BTBD10: variants seen among roughly 807,000 people sequenced by gnomAD.
The protein encoded by BTBD10 is BTB/POZ domain-containing protein 10.
A neutral mutation model predicts 53.2 loss-of-function variants in BTBD10; 21 were observed. The observed-to-expected ratio is 0.39, with a 90% CI of 0.28 to 0.57. The LOEUF (loss-of-function observed/expected upper bound fraction) is 0.57, where lower values mean the gene tolerates loss of function less well. Ranked by LOEUF, BTBD10 falls within the 20% of genes least tolerant of loss-of-function variation. BTBD10 has a pLI of 0.53. For missense variants in BTBD10, 360 were observed against 594.7 expected (o/e 0.61, Z 4.10); for synonymous variants, 149 against 192.7 (o/e 0.77, Z 1.88).
chr11:13,392,939 A>C (rs562571591), intron 8 of BTBD10, among the ~76,000 whole-genome samples: 2 of 152,346 alleles, frequency 1.3e-5, no homozygotes, highest in South Asian at 4.1e-4. Flanking sequence ...GGCCACATCC[A>C]ATATGGTCTG....
chr11:13,421,628 T>C lies in BTBD10; in HGVS notation c.298+14A>G, dbSNP rs1486778487. 4.4e-6 allele frequency: 7 copies of C among 1,603,984 alleles called. No homozygotes were observed. The highest frequency in any genetic ancestry group is 1.3e-5 in the African/African-American group (1 of 74,846). ...TTTTAAGAACTGTTAGGAAGGTTAG[T>C]TGATTTTACATACCAACATGGTGCT... On this transcript the variant is annotated intron_variant, in intron 3 of 8. Transcript: ENST00000278174.
intron 1 of BTBD10, among the ~76,000 whole-genome samples, chr11:13,446,938 G>C (rs1233791109): frequency 6.6e-6 from 1 of 151,762 alleles, no homozygotes; most frequent in Non-Finnish European, 1.5e-5. Flanking sequence ...GAGAAGCAAA[G>C]GAGAAAGAAA....
chr11:13,441,369 T>C (rs1950645995), intron 2 of BTBD10, among the ~76,000 whole-genome samples: 1 of 152,150 alleles, frequency 6.6e-6, no homozygotes, highest in Non-Finnish European at 1.5e-5. Flanking sequence ...ATACGATCAC[T>C]ATATGATACA....
At chr11:13,435,261 T>C (rs560434842) in intron 2 of BTBD10, among the ~76,000 whole-genome samples, 1 of 152,320 alleles carries the variant, frequency 6.6e-6, no homozygotes, top group South Asian at 2.1e-4. Flanking sequence ...ATCTACTGAA[T>C]AGTCATTCAT....
intron 2 of BTBD10, among the ~76,000 whole-genome samples, chr11:13,432,428 G>C (rs1950466088): frequency 6.6e-6 from 1 of 152,092 alleles, no homozygotes; most frequent in South Asian, 2.1e-4. Context: ...TCAGTTTCCT[G>C]GTTCTCATAA....
chr11:13,411,854 G>A (rs139873381), intron 6 of BTBD10, among the ~76,000 whole-genome samples: 2 of 146,752 alleles, frequency 1.4e-5, no homozygotes, highest in African/African-American at 5.0e-5. Flanking sequence ...TTTTTGAGAT[G>A]GAGTTTCACT....
chr11:13,413,744 C>T lies in BTBD10; in HGVS notation c.688-94G>A, dbSNP rs557986202. The T allele has an allele frequency of 2.6e-5, 31 of 1,192,898 alleles. No individual in the cohort carries two copies. In the East Asian group the frequency reaches 8.0e-4, roughly 31 times the overall value. 73.9% of individuals were successfully genotyped at this position (1,192,898 alleles called of 1,614,324 possible). A position where few individuals can be genotyped will look rare whatever the true frequency, so the allele number is the denominator to read the frequency against. On this transcript the variant is annotated intron_variant, in intron 5 of 8. Coordinates refer to ENST00000278174, the MANE Select transcript of BTBD10 (RefSeq NM_032320.7). ...GAAGGGCTGGTAACATTTTCAGAAA[C>T]AGTAGAGAACTCTGACATCTCTGAA...
chr11:13,452,888 T>C (rs1950890538), intron 1 of BTBD10, among the ~76,000 whole-genome samples: 1 of 152,226 alleles, frequency 6.6e-6, no homozygotes, highest in Non-Finnish European at 1.5e-5. Flanking sequence ...CTGTCTTTAG[T>C]AGGCAACCTA....
intron 2 of BTBD10, among the ~76,000 whole-genome samples, chr11:13,444,286 A>G (rs186975718): frequency 2.6e-5 from 4 of 151,824 alleles, no homozygotes; most frequent in Admixed American, 2.0e-4. Context: ...TTTATATTCA[A>G]GTAAGTTAAA....
intron 1 of BTBD10, among the ~76,000 whole-genome samples, chr11:13,446,539 G>A (rs1950752191): frequency 6.6e-6 from 1 of 152,022 alleles, no homozygotes; most frequent in Non-Finnish European, 1.5e-5. Context: ...TAAGTAGGTA[G>A]ATCCATGAGT....
chr11:13,402,862 T>C (rs938788713), intron 8 of BTBD10, among the ~76,000 whole-genome samples: 1 of 152,180 alleles, frequency 6.6e-6, no homozygotes, highest in Non-Finnish European at 1.5e-5. Context: ...AATGTACATA[T>C]ATTCATGTCC....
chr11:13,408,414 G>C (rs7103068), intron 6 of BTBD10, among the ~76,000 whole-genome samples: 92,025 of 151,940 alleles, frequency 0.61, 28,550 homozygotes, highest in Middle Eastern at 0.76. Flanking sequence ...ATGTGAAAAA[G>C]AATGTTATAG....
chr11:13,441,811 T>C (rs2134024629), intron 2 of BTBD10, among the ~76,000 whole-genome samples: 1 of 152,234 alleles, frequency 6.6e-6, no homozygotes, highest in South Asian at 2.1e-4. Context: ...TAGATTTAAA[T>C]CCCCAACTGT....
At chr11:13,413,117 A>C (rs1442461631) in intron 6 of BTBD10, among the ~76,000 whole-genome samples, 2 of 152,196 alleles carry the variant, frequency 1.3e-5, no homozygotes, top group African/African-American at 4.8e-5. Flanking sequence ...TTTGAGAATT[A>C]TTTGTGTTTT....
chr11:13,403,824 G>A (rs1949761481), intron 7 of BTBD10, among the ~76,000 whole-genome samples: 1 of 152,180 alleles, frequency 6.6e-6, no homozygotes, highest in Non-Finnish European at 1.5e-5. Context: ...TAATACTGAT[G>A]TTAAAAATGG....
intron 7 of BTBD10, among the ~76,000 whole-genome samples, chr11:13,405,134 A>G (rs939665675): frequency 6.6e-6 from 1 of 152,196 alleles, no homozygotes; most frequent in Non-Finnish European, 1.5e-5. Context: ...AGAAATGCCC[A>G]AAAGAACTAT....
intron 6 of BTBD10, among the ~76,000 whole-genome samples, chr11:13,406,599 G>C (rs1317865098): frequency 7.8e-6 from 1 of 128,986 alleles, no homozygotes; most frequent in Non-Finnish European, 1.7e-5. Flanking sequence ...AACAGAGAGT[G>C]AGCCAGAGAG....
In BTBD10 at chr11:13,395,860, G is replaced by A. The variant is rs190558960; in HGVS notation, c.1118-6719C>T. On this transcript the variant is annotated intron_variant, in intron 8 of 8. Transcript: ENST00000278174. ...GATCAGATAGTTGTAGATATGCGGCGTTATTTCTGAGGGCTCTGTTCTGTT... is the reference window on the plus strand; with the variant it reads ...GATCAGATAGTTGTAGATATGCGGCATTATTTCTGAGGGCTCTGTTCTGTT... Among the ~76,000 whole-genome samples, 53 of 152,206 alleles carry A rather than the reference G, an allele frequency of 3.5e-4. 1 individual carries two copies. The highest frequency in any genetic ancestry group is 2.3e-3 in the Admixed American group (35 of 15,286).
intron 1 of BTBD10, among the ~76,000 whole-genome samples, chr11:13,450,947 A>G (rs1414077723): frequency 1.3e-5 from 2 of 152,240 alleles, no homozygotes; most frequent in Admixed American, 6.5e-5. Flanking sequence ...CAGAATCACG[A>G]GTTCAGTTTG....
Sources: gnomAD v4.1 joint callset for allele counts (sites outside exome capture counted in the v4.1 genomes callset) on GRCh38, gnomAD v4.1.1 for gene constraint, MANE v1.5 for transcripts, NCBI Gene and HGNC (gene_info 2026-07-23, HGNC 2026-07-21) for gene names.